The following MICU2 variants were observed in gnomAD, a reference collection of about 807,000 sequenced individuals.
The protein encoded by MICU2 is mitochondrial calcium uptake 2, also known as calcium uptake protein 2, mitochondrial.
A neutral mutation model predicts 60.4 loss-of-function variants in MICU2; 64 were observed. The observed-to-expected ratio is 1.06, with a 90% CI of 0.87 to 1.31. The LOEUF (loss-of-function observed/expected upper bound fraction) is 1.31. Ranked by LOEUF, MICU2 falls within the 50% of genes most tolerant of loss-of-function variation. MICU2 has a pLI of 0.00. For missense variants in MICU2, 569 were observed against 531.0 expected (o/e 1.07, Z -0.70); for synonymous variants, 201 against 175.0 (o/e 1.15, Z -1.17).
At chr13:21,546,052 C>T (rs1555273428) in intron 2 of MICU2, among the ~76,000 whole-genome samples, 1 of 152,010 alleles carries the variant, frequency 6.6e-6, no homozygotes, top group Non-Finnish European at 1.5e-5. Flanking sequence ...ATAAATAAAA[C>T]ATTTTAAGTG....
intron 2 of MICU2, among the ~76,000 whole-genome samples, chr13:21,552,004 G>A (rs1285245756): frequency 1.3e-5 from 2 of 152,096 alleles, no homozygotes; most frequent in South Asian, 2.1e-4. Flanking sequence ...CTGAGGAATC[G>A]CCACACTGAC....
At chr13:21,576,551 A>G (rs1430980196) in intron 1 of MICU2, among the ~76,000 whole-genome samples, 2 of 152,194 alleles carry the variant, frequency 1.3e-5, no homozygotes, top group Non-Finnish European at 2.9e-5. Context: ...CTTGGGGAAC[A>G]GCTGCAGTCT....
intron 2 of MICU2, among the ~76,000 whole-genome samples, chr13:21,563,338 C>G (rs1309681342): frequency 6.6e-6 from 1 of 151,982 alleles, no homozygotes; most frequent in Admixed American, 6.6e-5. Context: ...ACCTGTAGTC[C>G]CAGCTACTCG....
At position 21,539,362 on chromosome 13, in the gene MICU2, G is replaced by A. The variant is rs376797739; in HGVS notation, c.406C>T (p.Leu136=). Residue 136 remains leucine, a synonymous_variant, in exon 4 of 12, where the codon CTG becomes TTG. Transcript: ENST00000382374. The stretch of plus-strand genomic sequence containing the variant: ...CAGCCAGCTGTTTGGATCCCTGACA[G>A]TGTATCCTCGATGTCCTTTGAATAC... ...KLTKKDIEDT[L]SGIQTAGCGS... is the part of the protein sequence containing the mutation. 3 of 1,613,816 alleles carry A rather than the reference G, an allele frequency of 1.9e-6. No homozygotes were observed. The highest frequency in any genetic ancestry group is 8.5e-7 in the Non-Finnish European group (1 of 1,179,890).
chr13:21,509,879 T>G, intron 8 of MICU2, 125 bp downstream of exon 8: 1 of 523,810 alleles, frequency 1.9e-6, no homozygotes, highest in Non-Finnish European at 3.3e-6. Flanking sequence ...ACTACACAGA[T>G]CCACAAAATC....
At chr13:21,495,114 C>T (rs185989675) in intron 11 of MICU2, 47 bp downstream of exon 11, 423 of 1,447,370 alleles carry the variant, frequency 2.9e-4, no homozygotes, top group Non-Finnish European at 3.6e-4. Flanking sequence ...GGTTTAATAT[C>T]AGTTAATGAC....
chr13:21,591,492 T>C (rs1447563337), intron 1 of MICU2, among the ~76,000 whole-genome samples: 1 of 152,168 alleles, frequency 6.6e-6, no homozygotes, highest in Admixed American at 6.5e-5. Context: ...AACATGGATA[T>C]TCAAGACTTG....
chr13:21,576,391 TC>T (rs1347248622), intron 1 of MICU2, among the ~76,000 whole-genome samples: 1 of 152,044 alleles, frequency 6.6e-6, no homozygotes, highest in Non-Finnish European at 1.5e-5. Flanking sequence ...ACTGAGAACT[TC>T]AAGTAAGTGG....
chr13:21,542,754 C>T lies in MICU2; in HGVS notation c.359-3066G>A, dbSNP rs1020616484. 6.6e-5 allele frequency among the ~76,000 whole-genome samples: 10 copies of T among 152,218 alleles called. No individual in the cohort carries two copies. In the South Asian group the frequency reaches 2.1e-3, roughly 32 times the overall value. ...GATTCCACCCATATTAGAGATTCCA[C>T]CATGTGGTTTTCACTATTTACAGAG... On this transcript the variant is annotated intron_variant, in intron 2 of 11. Coordinates refer to ENST00000382374, the MANE Select transcript of MICU2 (RefSeq NM_152726.3).
chr13:21,574,138 T>A (rs1888174072), intron 1 of MICU2, among the ~76,000 whole-genome samples: 1 of 152,144 alleles, frequency 6.6e-6, no homozygotes, highest in Non-Finnish European at 1.5e-5. Flanking sequence ...ATCAAAGAGC[T>A]GCTGAGGGAC....
chr13:21,501,210 T>C (rs957988189), intron 9 of MICU2, among the ~76,000 whole-genome samples: 9 of 152,214 alleles, frequency 5.9e-5, no homozygotes, highest in African/African-American at 2.2e-4. Flanking sequence ...ACAAACTGTT[T>C]TAGTTACCAA....
Position 21,603,920 on chromosome 13 carries a change from G to C in MICU2, c.210+19C>G. Reference sequence around the variant, plus strand: ...GGGAGGAGCTTGACTGGGGCTAGCAGAAGGAGTTAGTCCTGTACCTGTGCG... The same window carrying C: ...GGGAGGAGCTTGACTGGGGCTAGCACAAGGAGTTAGTCCTGTACCTGTGCG... On this transcript the variant is annotated intron_variant, in intron 1 of 11. Coordinates refer to ENST00000382374, the MANE Select transcript of MICU2 (RefSeq NM_152726.3). 6 of 1,596,272 alleles carry C rather than the reference G, an allele frequency of 3.8e-6. No individual in the cohort carries two copies. Among genetic ancestry groups the C allele is most frequent in the Non-Finnish European group, 5.1e-6 (6 of 1,166,456 alleles).
At chr13:21,536,999 T>C (rs1178150653) in intron 4 of MICU2, among the ~76,000 whole-genome samples, 1 of 152,244 alleles carries the variant, frequency 6.6e-6, no homozygotes, top group African/African-American at 2.4e-5. Flanking sequence ...TGACCATGGT[T>C]GTTTTCTGCT....
At chr13:21,561,557 G>A (rs1410187909) in intron 2 of MICU2, among the ~76,000 whole-genome samples, 3 of 150,454 alleles carry the variant, frequency 2.0e-5, no homozygotes, top group Non-Finnish European at 3.0e-5. Context: ...AAATTACTAC[G>A]CAATGCCTCT....
intron 4 of MICU2, among the ~76,000 whole-genome samples, chr13:21,534,078 TAAA>T (rs770621245): frequency 1.6e-5 from 2 of 126,218 alleles, no homozygotes; most frequent in Non-Finnish European, 1.7e-5. Flanking sequence ...TGAGACTGTC[TAAA>T]AAAAAAAAAA....
chr13:21,567,073 A>C, intron 1 of MICU2, 129 bp from the exon 2 acceptor site: 1 of 726,720 alleles, frequency 1.4e-6, no homozygotes, highest in Admixed American at 3.2e-5. Flanking sequence ...TCATTCATTT[A>C]ACAAATATTA....
At chr13:21,548,709 G>A (rs1312171429) in intron 2 of MICU2, among the ~76,000 whole-genome samples, 2 of 152,110 alleles carry the variant, frequency 1.3e-5, no homozygotes, top group African/African-American at 2.4e-5. Flanking sequence ...TTGACACCTG[G>A]CATCCCAAGA....
At chr13:21,583,168 C>T (rs1888383984) in intron 1 of MICU2, among the ~76,000 whole-genome samples, 1 of 152,050 alleles carries the variant, frequency 6.6e-6, no homozygotes, top group Non-Finnish European at 1.5e-5. Flanking sequence ...GGAGGGAGGC[C>T]TGCTTGGGTC....
chr13:21,520,935 A>T (rs1190131829), intron 6 of MICU2, among the ~76,000 whole-genome samples: 1 of 152,070 alleles, frequency 6.6e-6, no homozygotes, highest in Admixed American at 6.6e-5. Context: ...GCATATCAAC[A>T]CATATTCTTT....
Sources: gnomAD v4.1 joint callset for allele counts (sites outside exome capture counted in the v4.1 genomes callset) on GRCh38, gnomAD v4.1.1 for gene constraint, MANE v1.5 for transcripts, NCBI Gene and HGNC (gene_info 2026-07-23, HGNC 2026-07-21) for gene names.